Variants in ZNF484 observed in about 807,000 individuals in gnomAD.
The protein encoded by ZNF484 is zinc finger protein 484, also known as KRAB box containing C2H2 type zinc finger bA526D8.4.
ZNF484 carries 11 observed loss-of-function variants against 12.9 expected under a neutral mutation model. The observed-to-expected ratio is 0.85, with a 90% CI of 0.54 to 1.41. The LOEUF (loss-of-function observed/expected upper bound fraction) is 1.41. Ranked by LOEUF, ZNF484 falls within the 40% of genes most tolerant of loss-of-function variation. ZNF484 has a pLI of 0.00. For synonymous variants in ZNF484, 289 were observed against 334.1 expected, an observed-to-expected ratio of 0.86 and a Z score of 1.47; for missense variants, 807 against 1,007.7, an observed-to-expected ratio of 0.80 and a Z score of 2.70.
At chr9:92,852,528 C>G (rs1856161072) in intron 4 of ZNF484, among the ~76,000 whole-genome samples, 1 of 118,072 alleles carries the variant, frequency 8.5e-6, no homozygotes, top group African/African-American at 3.8e-5. Context: ...CCACGCCCAG[C>G]CTTTTTTTTT....
chr9:92,869,126 T>C (rs886297403), intron 2 of ZNF484, among the ~76,000 whole-genome samples: 4 of 152,106 alleles, frequency 2.6e-5, no homozygotes, highest in Non-Finnish European at 4.4e-5. Context: ...AGAATGCTTA[T>C]AGTGCCTGGT....
At position 92,847,118 on chromosome 9, in the gene ZNF484, A is replaced by G. The variant is rs779999948; in HGVS notation, c.1669T>C (p.Cys557Arg). The G allele has an allele frequency of 5.0e-6, 8 of 1,614,102 alleles. No individual in the cohort carries two copies. Among genetic ancestry groups the G allele is most frequent in the Non-Finnish European group, 6.8e-6 (8 of 1,180,024 alleles). Residue 557 changes from cysteine (C) to arginine (R), a missense_variant, in exon 5 of 5, where the codon TGT becomes CGT. Coordinates refer to ENST00000375495, the MANE Select transcript of ZNF484 (RefSeq NM_031486.4). Reference protein sequence around the residue: ...TGERHYECSECGKAFIQKSTL... With the variant: ...TGERHYECSERGKAFIQKSTL... ...GACTTCTGAATGAATGCTTTCCCAC[A>G]TTCACTGCATTCATAATGTCTCTCT... is the stretch of plus-strand genomic sequence containing the variant.
Position 92,848,051 on chromosome 9 carries a change from T to C in ZNF484, c.736A>G (p.Thr246Ala), listed in dbSNP as rs768819546. 27 of 1,614,102 alleles carry C rather than the reference T, an allele frequency of 1.7e-5. No individual in the cohort carries two copies. Among genetic ancestry groups the C allele is most frequent in the Non-Finnish European group, 2.3e-5 (27 of 1,180,044 alleles). ...GAAAACAAATAGAGGCTCTCTCTAG[T>C]ATGAATTTTCTGTTGTTGAATGAGA... Reference protein sequence around the residue: ...QALIQQQKIHTRESLYLFSDY... With the variant: ...QALIQQQKIHARESLYLFSDY... The change falls in exon 5 of 5, where the codon ACT becomes GCT. Residue 246 changes from threonine (T) to alanine (A), a missense_variant. Physicochemically the swap from Thr to Ala is moderately conservative, Grantham distance 58. Transcript: ENST00000375495. This position sits in a 1 kb window ranked among gnomAD's most constrained non-coding sequence, Gnocchi z 4.1.
rs1437912423 is a variant in ZNF484, at chr9:92,847,115, C to T, written c.1672G>A (p.Gly558Arg). Residue 558 changes from glycine to arginine, a missense_variant, in exon 5 of 5, where the codon GGG (glycine) becomes AGG (arginine). Coordinates refer to ENST00000375495, the MANE Select transcript of ZNF484 (RefSeq NM_031486.4). ...GERHYECSEC[G>R]KAFIQKSTLS... ...GTTGACTTCTGAATGAATGCTTTCC[C>T]ACATTCACTGCATTCATAATGTCTC... 1.2e-6 allele frequency: 2 copies of T among 1,614,084 alleles called. No homozygotes were observed. The highest frequency in any genetic ancestry group is 2.2e-5 in the East Asian group (1 of 44,874).
rs763232220 is a variant in ZNF484, at chr9:92,869,559, C to CTAAA, written c.15+5452_15+5455dup. 1.1e-4 allele frequency among the ~76,000 whole-genome samples: 17 copies of CTAAA among 152,174 alleles called. No individual in the cohort carries two copies. The East Asian group carries it at 1.9e-3, about 17-fold the overall frequency. On this transcript the variant is annotated intron_variant, in intron 2 of 4. Transcript: ENST00000375495. Reference sequence around the variant, plus strand: ...GCAACATGGTGAAACCCCATCTCTACTAAATAAATAAATAAATAAACAAAA... The same window carrying CTAAA: ...GCAACATGGTGAAACCCCATCTCTACTAAATAAATAAATAAATAAATAAACAAAA...
rs151161818 is a variant in ZNF484 at position 92,868,851 on chromosome 9, A to G, written c.15+6164T>C. Among the ~76,000 whole-genome samples the G allele has an allele frequency of 1.2e-3, 182 of 151,908 alleles. 1 individual carries two copies. Among genetic ancestry groups the G allele is most frequent in the Admixed American group, 2.6e-3 (39 of 15,254 alleles). On this transcript the variant is annotated intron_variant, in intron 2 of 4. Transcript: ENST00000375495. The stretch of plus-strand genomic sequence containing the variant: ...CCCATTATGCCCTACCACCTCCTAC[A>G]CTGGGATCAAACTTCTCTTTTATTT...
At chr9:92,858,882 T>G (rs1856619162) in intron 2 of ZNF484, among the ~76,000 whole-genome samples, 1 of 152,058 alleles carries the variant, frequency 6.6e-6, no homozygotes, top group African/African-American at 2.4e-5. Flanking sequence ...TCCCAGCACT[T>G]TGGGAGGCTG....
In ZNF484 at chr9:92,848,119, C is replaced by T; in HGVS notation, c.668G>A (p.Cys223Tyr). 6.2e-7 allele frequency: 1 copy of T among 1,614,210 alleles called. No individual in the cohort carries two copies. The highest frequency in any genetic ancestry group is 1.7e-5 in the Admixed American group (1 of 60,028). Residue 223 changes from cysteine to tyrosine, a missense_variant, in exon 5 of 5, where the codon TGT becomes TAT. Coordinates refer to ENST00000375495, the MANE Select transcript of ZNF484 (RefSeq NM_031486.4). The surrounding 1 kb of genome is among the most constrained non-coding windows in gnomAD (Gnocchi z 4.1). ...AGGTTTCCCACATTGGTTACATTCA[C>T]AAGCAGTCACTTCTGTATGAGAATT... ...HLNSHTEVTACECNQCGKPLH... is the reference protein window; with the variant it reads ...HLNSHTEVTAYECNQCGKPLH...
chr9:92,877,960 A>G lies in ZNF484; in HGVS notation c.-101T>C, dbSNP rs1857941781. 3 of 1,271,238 alleles carry G rather than the reference A, an allele frequency of 2.4e-6. No individual in the cohort carries two copies. Among genetic ancestry groups the G allele is most frequent in the Admixed American group, 4.3e-5 (2 of 46,710 alleles). 78.7% of individuals were successfully genotyped at this position (1,271,238 alleles called of 1,614,324 possible). On this transcript the variant is annotated 5_prime_UTR_variant, in exon 1 of 5. Coordinates refer to ENST00000375495, the MANE Select transcript of ZNF484 (RefSeq NM_031486.4). The stretch of plus-strand genomic sequence containing the variant: ...GGAGGTGACTATAGTCGCAAGAACC[A>G]GAACAGGACCCACTTCCTTTTTCTC...
chr9:92,861,949 C>T (rs1324724743), intron 2 of ZNF484, among the ~76,000 whole-genome samples: 1 of 152,108 alleles, frequency 6.6e-6, no homozygotes, highest in Non-Finnish European at 1.5e-5. Context: ...AGAGAAATGA[C>T]ACATTACATG....
chr9:92,869,434 A>G (rs1238118888), intron 2 of ZNF484, among the ~76,000 whole-genome samples: 1 of 151,370 alleles, frequency 6.6e-6, no homozygotes, highest in African/African-American at 2.4e-5. Flanking sequence ...TGATATACCC[A>G]TATTAGGCTG....
intron 2 of ZNF484, among the ~76,000 whole-genome samples, chr9:92,874,152 A>G (rs1315158415): frequency 6.6e-6 from 1 of 152,240 alleles, no homozygotes; most frequent in Non-Finnish European, 1.5e-5. Context: ...GACAAGGAGC[A>G]TTGATGTTCT....
chr9:92,854,648 T>C (rs1049368633), intron 4 of ZNF484, among the ~76,000 whole-genome samples: 7 of 151,748 alleles, frequency 4.6e-5, no homozygotes, highest in African/African-American at 1.5e-4. Flanking sequence ...ACCTGGGAGG[T>C]GGAGCTTGCA....
intron 2 of ZNF484, among the ~76,000 whole-genome samples, chr9:92,866,752 C>T (rs183612799): frequency 6.6e-6 from 1 of 152,244 alleles, no homozygotes; most frequent in African/African-American, 2.4e-5. Flanking sequence ...AAATGCCCAG[C>T]AATGATAGAC....
chr9:92,872,560 A>G (rs1335958076), intron 2 of ZNF484, among the ~76,000 whole-genome samples: 1 of 151,980 alleles, frequency 6.6e-6, no homozygotes, highest in Non-Finnish European at 1.5e-5. Flanking sequence ...TGAGACTACA[A>G]AAGAGTGGTC....
chr9:92,856,734 T>G (rs931041554), intron 2 of ZNF484, among the ~76,000 whole-genome samples: 1 of 152,164 alleles, frequency 6.6e-6, no homozygotes, highest in Non-Finnish European at 1.5e-5. Flanking sequence ...GGTACACTTT[T>G]TTTTTGAGAC....
chr9:92,854,679 T>C (rs1282524177), intron 4 of ZNF484, among the ~76,000 whole-genome samples: 1 of 152,158 alleles, frequency 6.6e-6, no homozygotes, highest in South Asian at 2.1e-4. Flanking sequence ...ATCATGCCAC[T>C]GCACTCCAGC....
intron 1 of ZNF484, among the ~76,000 whole-genome samples, chr9:92,877,189 A>C (rs1056821837): frequency 5.9e-5 from 9 of 152,128 alleles, no homozygotes; most frequent in Non-Finnish European, 1.3e-4. Flanking sequence ...CCCGCATAAA[A>C]CTTAAGAAAA....
At chr9:92,874,029 G>A (rs1051376092) in intron 2 of ZNF484, among the ~76,000 whole-genome samples, 1 of 152,172 alleles carries the variant, frequency 6.6e-6, no homozygotes, top group African/African-American at 2.4e-5. Flanking sequence ...CATACCAACA[G>A]ACTCAAGAAG....
Sources: allele counts gnomAD v4.1 joint callset (sites outside exome capture counted in the v4.1 genomes callset), GRCh38; gene constraint gnomAD v4.1.1; non-coding constraint Gnocchi (gnomAD v3.1); transcripts MANE v1.5; gene names NCBI Gene and HGNC (gene_info 2026-07-23, HGNC 2026-07-21).